HMMR: variants seen among roughly 807,000 people sequenced by gnomAD.
The protein encoded by HMMR is hyaluronan mediated motility receptor.
A neutral mutation model predicts 101.0 loss-of-function variants in HMMR; 108 were observed. That is an observed-to-expected ratio of 1.07 (90% CI 0.92 to 1.25). The LOEUF is 1.25. Ranked by LOEUF, HMMR falls within the 50% of genes most tolerant of loss-of-function variation. The probability of loss-of-function intolerance (pLI) is 0.00; values close to 1 mark genes in which losing one functional copy is unlikely to be tolerated. For missense variants in HMMR, 813 were observed against 788.7 expected (o/e 1.03, Z -0.37); for synonymous variants, 296 against 276.4 (o/e 1.07, Z -0.70).
intron 11 of HMMR, among the ~76,000 whole-genome samples, chr5:163,477,538 A>T (rs970773995): frequency 1.3e-5 from 2 of 152,196 alleles, no homozygotes; most frequent in Non-Finnish European, 2.9e-5. Context: ...GTTGTTCTAT[A>T]CTACAGCCAA....
chr5:163,460,649 C>G lies in HMMR; in HGVS notation c.-44C>G, dbSNP rs781219063. ...GGAGTGATAATCCGCATTCAGTTGT[C>G]GAGGAGTGCCAGTCACCTTCAGTTT... On this transcript the variant is annotated 5_prime_UTR_variant, in exon 1 of 18. Transcript: ENST00000393915. The G allele has an allele frequency of 1.3e-6, 2 of 1,566,322 alleles. No individual in the cohort carries two copies. The highest frequency in any genetic ancestry group is 1.7e-6 in the Non-Finnish European group (2 of 1,148,058).
rs542913493 is a variant in HMMR at position 163,460,827 on chromosome 5, C to T, written c.46+89C>T. The stretch of plus-strand genomic sequence containing the variant: ...CCCTTCTTGGGAGGCAAGCAGGAGG[C>T]GATTTTAGGGTCGGGCTGGGGCTCA... On this transcript the variant is annotated intron_variant, in intron 1 of 17. Coordinates refer to ENST00000393915, the MANE Select transcript of HMMR (RefSeq NM_001142556.2). 2.2e-5 allele frequency: 25 copies of T among 1,161,110 alleles called. No individual in the cohort carries two copies. The African/African-American group carries it at 3.5e-4, about 16-fold the overall frequency. The allele number at this position is 1,161,110 out of a possible 1,614,324, so 71.9% of individuals were successfully genotyped here.
chr5:163,470,299 G>T (rs1330193500), intron 5 of HMMR, among the ~76,000 whole-genome samples: 1 of 152,082 alleles, frequency 6.6e-6, no homozygotes, highest in Non-Finnish European at 1.5e-5. Flanking sequence ...GCATATAGAG[G>T]TAAGTGACCA....
At chr5:163,468,474 C>G (rs1758769587) in intron 4 of HMMR, among the ~76,000 whole-genome samples, 1 of 152,064 alleles carries the variant, frequency 6.6e-6, no homozygotes, top group African/African-American at 2.4e-5. Flanking sequence ...TCTTTTTTTT[C>G]TGTTTCCATT....
intron 3 of HMMR, among the ~76,000 whole-genome samples, chr5:163,466,778 A>G (rs2113461478): frequency 6.6e-6 from 1 of 152,314 alleles, no homozygotes; most frequent in African/African-American, 2.4e-5. Context: ...ATGTTGGGTT[A>G]AATAAAATAT....
Position 163,469,630 on chromosome 5 carries a change from T to G in HMMR, c.274-11T>G, listed in dbSNP as rs781286331. On this transcript the variant is annotated splice_polypyrimidine_tract_variant and intron_variant, in intron 4 of 17. Coordinates refer to ENST00000393915, the MANE Select transcript of HMMR (RefSeq NM_001142556.2). ...CAGTGAATCATTTATTATCACCTTGTTTTTGTCCAGATTCGTGTTCTTCTA... is the reference window on the plus strand; with the variant it reads ...CAGTGAATCATTTATTATCACCTTGGTTTTGTCCAGATTCGTGTTCTTCTA... 2.1e-5 allele frequency: 34 copies of G among 1,604,378 alleles called. No individual in the cohort carries two copies. In the East Asian group the frequency reaches 6.7e-4, roughly 32 times the overall value.
chr5:163,472,278 G>A (rs932643766), intron 7 of HMMR, among the ~76,000 whole-genome samples: 1 of 151,994 alleles, frequency 6.6e-6, no homozygotes, highest in Non-Finnish European at 1.5e-5. Context: ...AAACCGTTCT[G>A]TATACTGTAA....
chr5:163,474,652 C>T, intron 10 of HMMR: 1 of 445,750 alleles, frequency 2.2e-6, no homozygotes, highest in Non-Finnish European at 4.5e-6. Flanking sequence ...AAGTTCTGGC[C>T]TGTAAATATA....
intron 16 of HMMR, among the ~76,000 whole-genome samples, chr5:163,485,668 T>A (rs1056940357): frequency 6.6e-6 from 1 of 152,214 alleles, no homozygotes; most frequent in African/African-American, 2.4e-5. Flanking sequence ...TTTTATGACG[T>A]CCAGTGTGTC....
chr5:163,489,388 G>A (rs1357563959), intron 16 of HMMR: 1 of 152,310 alleles, frequency 6.6e-6, no homozygotes, highest in Non-Finnish European at 1.5e-5. Flanking sequence ...CAGTTCCTTT[G>A]AAAAGAAATG....
intron 3 of HMMR, among the ~76,000 whole-genome samples, chr5:163,466,279 T>A (rs1758704357): frequency 6.6e-6 from 1 of 152,024 alleles, no homozygotes; most frequent in Admixed American, 6.6e-5. Flanking sequence ...AAGATAAAAA[T>A]AAAGTAAAAA....
intron 4 of HMMR, among the ~76,000 whole-genome samples, chr5:163,468,118 G>A (rs967581683): frequency 6.6e-6 from 1 of 152,220 alleles, no homozygotes; most frequent in Non-Finnish European, 1.5e-5. Flanking sequence ...TTCTTAGTGA[G>A]CATGCAATCC....
chr5:163,461,988 C>T (rs989052399), intron 1 of HMMR, among the ~76,000 whole-genome samples: 1 of 152,130 alleles, frequency 6.6e-6, no homozygotes, highest in Non-Finnish European at 1.5e-5. Context: ...TTCGTGGTTA[C>T]TCATTACGTC....
intron 1 of HMMR, among the ~76,000 whole-genome samples, 162 bp downstream of exon 1, chr5:163,460,900 G>A (rs1051603681): frequency 6.6e-6 from 1 of 152,100 alleles, no homozygotes; most frequent in Non-Finnish European, 1.5e-5. Context: ...TCTGTTACAT[G>A]CCAAGCACTA....
intron 4 of HMMR, 142 bp downstream of exon 4, chr5:163,467,890 C>T: frequency 1.8e-6 from 1 of 566,272 alleles, no homozygotes; most frequent in Non-Finnish European, 3.2e-6. Context: ...TACAGGAAAA[C>T]AGTTCTTACA....
At chr5:163,467,630 T>C (rs1030014896) in intron 3 of HMMR, 71 bp from the exon 4 acceptor site, 21 of 847,214 alleles carry the variant, frequency 2.5e-5, no homozygotes, top group Non-Finnish European at 3.0e-5. Flanking sequence ...TTCTGATAAC[T>C]GAAAAACAAA....
At position 163,483,168 on chromosome 5, in the gene HMMR, G is replaced by A. The variant is rs375032574; in HGVS notation, c.1681G>A (p.Gly561Arg). 6.2e-6 allele frequency: 10 copies of A among 1,610,250 alleles called. No homozygotes were observed. Among genetic ancestry groups the A allele is most frequent in the Middle Eastern group, 3.3e-4 (2 of 6,036 alleles). Residue 561 changes from glycine (G) to arginine (R), a missense_variant, in exon 14 of 18, where the codon GGA becomes AGA. Coordinates refer to ENST00000393915, the MANE Select transcript of HMMR (RefSeq NM_001142556.2). ...DFRKQLEDEE[G>R]RKAEKENTTA... ...TAGAAAACAGCTGGAAGATGAAGAA[G>A]GAAGGTAATCTATGATTAGAACCTG...
intron 6 of HMMR, 40 bp downstream of exon 6, chr5:163,471,311 G>C: frequency 6.2e-7 from 1 of 1,604,732 alleles, no homozygotes; most frequent in Non-Finnish European, 8.5e-7. Context: ...GTCTGGATCT[G>C]GGGATCAGTA....
rs775146147 is a variant in HMMR at position 163,484,152 on chromosome 5, A to C, written c.1869A>C (p.Arg623Ser). 7 of 1,602,616 alleles carry C rather than the reference A, an allele frequency of 4.4e-6. No homozygotes were observed. The African/African-American group carries it at 9.4e-5, about 21-fold the overall frequency. Residue 623 changes from arginine to serine, a missense_variant, in exon 16 of 18, where the codon AGA becomes AGC. By Grantham distance (110) the Arg-to-Ser change is moderately radical. Coordinates refer to ENST00000393915, the MANE Select transcript of HMMR (RefSeq NM_001142556.2). Reference sequence around the variant, plus strand: ...CTCAGGAACAGCTAAATAAAATAAGAGATTCATATGCTAAATTATTGGGTC... The same window carrying C: ...CTCAGGAACAGCTAAATAAAATAAGCGATTCATATGCTAAATTATTGGGTC... ...GAAQEQLNKI[R>S]DSYAKLLGHQ...
Sources: gnomAD v4.1 joint callset for allele counts (sites outside exome capture counted in the v4.1 genomes callset) on GRCh38, gnomAD v4.1.1 for gene constraint, MANE v1.5 for transcripts, NCBI Gene and HGNC (gene_info 2026-07-23, HGNC 2026-07-21) for gene names.